COMMD7: variants seen among roughly 807,000 people sequenced by gnomAD.
COMMD7 encodes COMM domain-containing protein 7.
In COMMD7, 28 loss-of-function variants were observed where a neutral mutation model predicts 34.8. The observed-to-expected ratio is 0.80, with a 90% CI of 0.60 to 1.10. The LOEUF (loss-of-function observed/expected upper bound fraction) is 1.10. Ranked by LOEUF, COMMD7 falls within the 50% of genes least tolerant of loss-of-function variation. The probability of loss-of-function intolerance (pLI) is 0.00; values close to 1 mark genes in which losing one functional copy is unlikely to be tolerated. For missense variants in COMMD7, 211 were observed against 241.6 expected (o/e 0.87, Z 0.84); for synonymous variants, 80 against 86.4 (o/e 0.93, Z 0.41).
At chr20:32,719,633 A>G (rs968983212) in intron 3 of COMMD7, among the ~76,000 whole-genome samples, 2 of 152,062 alleles carry the variant, frequency 1.3e-5, no homozygotes, top group Non-Finnish European at 2.9e-5. Context: ...CTGGGCAACA[A>G]GAGCAAAACT....
chr20:32,734,490 A>C (rs996824524), intron 1 of COMMD7, among the ~76,000 whole-genome samples: 7 of 151,926 alleles, frequency 4.6e-5, no homozygotes, highest in African/African-American at 1.5e-4. Flanking sequence ...CCAAAAAAAA[A>C]CCCCAGCAAG....
At chr20:32,714,371 C>T (rs534986263) in intron 3 of COMMD7, among the ~76,000 whole-genome samples, 65 of 152,194 alleles carry the variant, frequency 4.3e-4, no homozygotes, top group Non-Finnish European at 8.2e-4. Flanking sequence ...ACGGATCACC[C>T]ACAGGGGCCA....
intron 5 of COMMD7, 56 bp downstream of exon 5, chr20:32,706,525 AAG>A: frequency 2.1e-6 from 3 of 1,425,282 alleles, no homozygotes; most frequent in South Asian, 1.2e-5. Context: ...AAAAAAAAAA[AAG>A]AAAGAAAAGC....
At position 32,706,759 on chromosome 20, in the gene COMMD7, A is replaced by C. The variant is rs200984493; in HGVS notation, c.243T>G (p.Gly81=). The change falls in exon 4 of 9, where the codon GGT becomes GGG. Residue 81 remains glycine (G), a splice_region_variant and synonymous_variant. Coordinates refer to ENST00000278980, the MANE Select transcript of COMMD7 (RefSeq NM_053041.3). Reference sequence around the variant, plus strand: ...TGGCTGTGAGACTCTTCTTCAAAGCACCTGGGAGGCAGGGGAGAAATCAGT... The same window carrying C: ...TGGCTGTGAGACTCTTCTTCAAAGCCCCTGGGAGGCAGGGGAGAAATCAGT... ...IVKSLLLVPN[G]ALKKSLTAKQ... is the part of the protein sequence containing the mutation. The C allele has an allele frequency of 2.1e-5, 34 of 1,613,546 alleles. No individual in the cohort carries two copies. The highest frequency in any genetic ancestry group is 2.9e-5 in the Non-Finnish European group (34 of 1,179,782).
chr20:32,740,567 A>C (rs1986387038), intron 1 of COMMD7, among the ~76,000 whole-genome samples: 1 of 152,112 alleles, frequency 6.6e-6, no homozygotes, highest in Admixed American at 6.6e-5. Flanking sequence ...TGATTGTCAC[A>C]GAAATCCGCG....
chr20:32,709,533 G>A (rs1984300869), intron 3 of COMMD7, among the ~76,000 whole-genome samples: 1 of 152,330 alleles, frequency 6.6e-6, no homozygotes, highest in South Asian at 2.1e-4. Context: ...CTGGGCGACA[G>A]AGCGAGACTC....
intron 5 of COMMD7, 92 bp from the exon 6 acceptor site, chr20:32,704,996 C>G: frequency 1.1e-6 from 1 of 910,728 alleles, no homozygotes; most frequent in Non-Finnish European, 1.8e-6. Flanking sequence ...AGCATTGACA[C>G]AGATAGTGGG....
At chr20:32,717,839 T>C (rs6057626) in intron 3 of COMMD7, among the ~76,000 whole-genome samples, 104,119 of 151,700 alleles carry the variant, frequency 0.69, 36,506 homozygotes, top group Middle Eastern at 0.82. Flanking sequence ...AAAGGCCAGG[T>C]ACAGTGGCTC....
chr20:32,729,099 A>T (rs539164122), intron 1 of COMMD7, among the ~76,000 whole-genome samples: 1 of 151,756 alleles, frequency 6.6e-6, no homozygotes, highest in African/African-American at 2.4e-5. Flanking sequence ...GGCCTGTTAG[A>T]TGATAAAGGT....
chr20:32,716,258 T>C (rs867204576), intron 3 of COMMD7, among the ~76,000 whole-genome samples: 4 of 152,204 alleles, frequency 2.6e-5, no homozygotes, highest in Admixed American at 6.5e-5. Context: ...AAATTCCTTT[T>C]TTTCTTTTAG....
chr20:32,736,728 A>T (rs901198355), intron 1 of COMMD7, among the ~76,000 whole-genome samples: 6 of 151,644 alleles, frequency 4.0e-5, no homozygotes, highest in African/African-American at 1.5e-4. Context: ...AAAGGTTTAC[A>T]GTATGTTTCA....
chr20:32,733,679 T>C (rs1985969349), intron 1 of COMMD7, among the ~76,000 whole-genome samples: 1 of 146,966 alleles, frequency 6.8e-6, no homozygotes, highest in Non-Finnish European at 1.5e-5. Flanking sequence ...ATTGCACCAT[T>C]GCACTCCAAC....
chr20:32,731,915 A>C (rs960856737), intron 1 of COMMD7, among the ~76,000 whole-genome samples: 3 of 152,220 alleles, frequency 2.0e-5, no homozygotes, highest in African/African-American at 7.2e-5. Context: ...GAGAAATGCA[A>C]ATCAGTAAAA....
intron 3 of COMMD7, among the ~76,000 whole-genome samples, chr20:32,725,431 G>GTTTTTT (rs56381432): frequency 3.8e-5 from 5 of 129,950 alleles, no homozygotes; most frequent in South Asian, 2.4e-4. Flanking sequence ...ACTGTGTTTT[G>GTTTTTT]TTTTTTTTTT....
At chr20:32,717,457 C>G (rs1984867018) in intron 3 of COMMD7, among the ~76,000 whole-genome samples, 2 of 151,938 alleles carry the variant, frequency 1.3e-5, no homozygotes, top group Non-Finnish European at 2.9e-5. Context: ...TCCCAAGTAG[C>G]TGGGATTACA....
chr20:32,743,348 A>G lies in COMMD7; in HGVS notation c.44T>C (p.Val15Ala), dbSNP rs1468337092. 6.7e-7 allele frequency: 1 copy of G among 1,486,782 alleles called. No individual in the cohort carries two copies. Among genetic ancestry groups the G allele is most frequent in the African/African-American group, 1.5e-5 (1 of 67,518 alleles). 92.1% of individuals were successfully genotyped at this position (1,486,782 alleles called of 1,614,324 possible). A position where few individuals can be genotyped will look rare whatever the true frequency, so the allele number is the denominator to read the frequency against. ...HCTEDPVPEA[V>A]GGDMQQLNQL... ...GTTCAGCTGCTGCATGTCGCCGCCC[A>G]CGGCCTCCGGCACCGGGTCCTCAGT... The change falls in exon 1 of 9, where the codon GTG (valine) becomes GCG (alanine). Residue 15 changes from valine to alanine, a missense_variant. Coordinates refer to ENST00000278980, the MANE Select transcript of COMMD7 (RefSeq NM_053041.3).
intron 1 of COMMD7, among the ~76,000 whole-genome samples, chr20:32,733,424 A>G (rs1014061479): frequency 1.4e-5 from 2 of 148,064 alleles, no homozygotes; most frequent in African/African-American, 5.0e-5. Context: ...GTCTCTACTA[A>G]AAATTCAAAA....
intron 3 of COMMD7, among the ~76,000 whole-genome samples, chr20:32,717,223 A>G (rs1984848308): frequency 6.6e-6 from 1 of 151,872 alleles, no homozygotes; most frequent in Middle Eastern, 3.4e-3. Context: ...TGGTGTAATC[A>G]TGGCTCACTG....
At chr20:32,704,580 G>T in intron 6 of COMMD7, 91 bp from the exon 7 acceptor site, 3 of 1,405,372 alleles carry the variant, frequency 2.1e-6, no homozygotes, top group Non-Finnish European at 2.9e-6. Context: ...TTTTGCAGCT[G>T]TCCAGCAGAA....
Sources: gnomAD v4.1 joint callset for allele counts (sites outside exome capture counted in the v4.1 genomes callset) on GRCh38, gnomAD v4.1.1 for gene constraint, MANE v1.5 for transcripts, NCBI Gene and HGNC (gene_info 2026-07-23, HGNC 2026-07-21) for gene names.